The following SLC6A3 variants were observed in gnomAD, a reference collection of about 807,000 sequenced individuals.
SLC6A3 encodes the protein sodium-dependent dopamine transporter.
SLC6A3 carries 19 observed loss-of-function variants against 70.4 expected under a neutral mutation model. That is an observed-to-expected ratio of 0.27 (90% CI 0.19 to 0.40). The LOEUF (loss-of-function observed/expected upper bound fraction) is 0.40, where lower values mean the gene tolerates loss of function less well. Among genes scored for constraint, SLC6A3 ranks in the 10% least tolerant of loss-of-function variants. The pLI, the probability that SLC6A3 is intolerant of heterozygous loss-of-function variation, is 1.00. For synonymous variants in SLC6A3, 368 were observed against 356.6 expected, an observed-to-expected ratio of 1.03 and a Z score of -0.36; for missense variants, 613 against 838.5, an observed-to-expected ratio of 0.73 and a Z score of 3.32.
chr5:1,427,590 C>T (rs1394710372), intron 4 of SLC6A3, among the ~76,000 whole-genome samples: 1 of 152,130 alleles, frequency 6.6e-6, no homozygotes, highest in Non-Finnish European at 1.5e-5. Flanking sequence ...AAAGCACAAC[C>T]AACTCGATGG....
rs189540522 is a variant in SLC6A3, at chr5:1,414,642, G to C, written c.1156+49C>G. On this transcript the variant is annotated intron_variant, in intron 8 of 14. Coordinates refer to ENST00000270349, the MANE Select transcript of SLC6A3 (RefSeq NM_001044.5). ...AGGAAAAAGGCTTTGCTGAGAGCTC[G>C]GCGCTGGTGCTACACGGAGCAGGCC... 1.6e-5 allele frequency: 25 copies of C among 1,605,220 alleles called. No individual in the cohort carries two copies. The Admixed American group carries it at 2.7e-4, about 17-fold the overall frequency.
rs2911492 is a variant in SLC6A3, at chr5:1,441,321, G to A, written c.418+38C>T. On this transcript the variant is annotated intron_variant, in intron 3 of 14. Transcript: ENST00000270349. The stretch of plus-strand genomic sequence containing the variant: ...AGCTCCAGCGTCACCACCATGATCC[G>A]CGCTGCGCCAGGGTGAAGGGAGGCA... 7.0e-3 allele frequency: 11,304 copies of A among 1,613,336 alleles called. 451 individuals are homozygous for A. The African/African-American group carries it at 0.1, about 15-fold the overall frequency.
In SLC6A3 at chr5:1,432,573, T is replaced by G; in HGVS notation, c.544A>C (p.Asn182His). ...GAGCAGTTGGGGCTGTTCCAGGAGT[T>G]GTTGCAGTGGATCCAGGGGAGCTCC... ...TTELPWIHCN[N>H]SWNSPNCSDA... Residue 182 changes from asparagine (N) to histidine (H), a missense_variant, in exon 4 of 15, where the codon AAC becomes CAC. This residue lies in a region of SLC6A3 where 153 missense variants were observed against 249.4 expected (regional missense o/e 0.61). Transcript: ENST00000270349. 1 of 1,614,140 alleles carries G rather than the reference T, an allele frequency of 6.2e-7. No individual in the cohort carries two copies. The highest frequency in any genetic ancestry group is 8.5e-7 in the Non-Finnish European group (1 of 1,180,008).
intron 4 of SLC6A3, among the ~76,000 whole-genome samples, chr5:1,423,405 CAGGGATGAGGCCGAGCAAACTCT>C (rs1324354788): frequency 6.6e-6 from 1 of 152,248 alleles, no homozygotes; most frequent in Admixed American, 6.5e-5. Flanking sequence ...GGTCCCTCTC[CAGGGATGAGGCCGAGCAAACTCT>C]AGCAATAATG....
rs536616 is a variant in SLC6A3 at position 1,435,961 on chromosome 5, C to T, written c.419-3263G>A. On this transcript the variant is annotated intron_variant, in intron 3 of 14. Coordinates refer to ENST00000270349, the MANE Select transcript of SLC6A3 (RefSeq NM_001044.5). ...CTCCTGGATGCTTCCCTGGGCACCT[C>T]GGTGAGGAAATGGCTCCCTTGAACA... is the stretch of plus-strand genomic sequence containing the variant. 5.3e-5 allele frequency among the ~76,000 whole-genome samples: 4 copies of T among 75,062 alleles called. No homozygotes were observed. The East Asian group carries it at 3.0e-3, about 57-fold the overall frequency. The allele number at this position is 75,062 out of a possible 152,430, so 49.2% of individuals were successfully genotyped here.
At position 1,421,705 on chromosome 5, in the gene SLC6A3, T is replaced by C. The variant is rs1756440510; in HGVS notation, c.792+171A>G. The stretch of plus-strand genomic sequence containing the variant: ...CACTCCCAACCTGATTATGGCCATA[T>C]GAGTCTCCCAAACTCAACCATGGCC... On this transcript the variant is annotated intron_variant, in intron 5 of 14. Coordinates refer to ENST00000270349, the MANE Select transcript of SLC6A3 (RefSeq NM_001044.5). The surrounding 1 kb of genome is among the most constrained non-coding windows in gnomAD (Gnocchi z 7.2). 6.6e-6 allele frequency among the ~76,000 whole-genome samples: 1 copy of C among 151,904 alleles called. No homozygotes were observed. The highest frequency in any genetic ancestry group is 2.1e-4 in the South Asian group (1 of 4,820).
intron 6 of SLC6A3, among the ~76,000 whole-genome samples, chr5:1,418,027 G>T (rs902024544): frequency 6.6e-6 from 1 of 152,216 alleles, no homozygotes; most frequent in African/African-American, 2.4e-5. Context: ...GCCAGGCCCC[G>T]CAGTCAGGAC....
At position 1,404,977 on chromosome 5, in the gene SLC6A3, G is replaced by GT. The variant is rs1223257595; in HGVS notation, c.1599+1210dup. Among the ~76,000 whole-genome samples the GT allele has an allele frequency of 3.3e-5, 5 of 152,218 alleles. No homozygotes were observed. Among genetic ancestry groups the GT allele is most frequent in the African/African-American group, 1.2e-4 (5 of 41,468 alleles). On this transcript the variant is annotated intron_variant, in intron 12 of 14. Coordinates refer to ENST00000270349, the MANE Select transcript of SLC6A3 (RefSeq NM_001044.5). The surrounding 1 kb of genome is among the most constrained non-coding windows in gnomAD (Gnocchi z 5.2). ...CAACGTCCTCATGCAAAACAGCTCA[G>GT]TTTCAACTAATGGCGGGGGAGAGCG...
Position 1,404,903 on chromosome 5 carries a change from C to T in SLC6A3, c.1599+1285G>A, listed in dbSNP as rs540953806. Among the ~76,000 whole-genome samples the T allele has an allele frequency of 6.6e-6, 1 of 152,210 alleles. No individual in the cohort carries two copies. Among genetic ancestry groups the T allele is most frequent in the East Asian group, 1.9e-4 (1 of 5,196 alleles). ...AGTAGAACATTTTATCTCCTAAGAT[C>T]GAGGTCAGCCCTCTGGGTGTTAAGA... On this transcript the variant is annotated intron_variant, in intron 12 of 14. Coordinates refer to ENST00000270349, the MANE Select transcript of SLC6A3 (RefSeq NM_001044.5). The surrounding 1 kb of genome is among the most constrained non-coding windows in gnomAD (Gnocchi z 5.2).
intron 3 of SLC6A3, among the ~76,000 whole-genome samples, chr5:1,434,646 C>T (rs947408100): frequency 6.6e-6 from 1 of 152,192 alleles, no homozygotes; most frequent in African/African-American, 2.4e-5. Context: ...CATTTCTTCT[C>T]AGTTTACTGA....
intron 6 of SLC6A3, among the ~76,000 whole-genome samples, chr5:1,420,035 C>G (rs1390146712): frequency 1.3e-5 from 2 of 152,232 alleles, no homozygotes; most frequent in Non-Finnish European, 2.9e-5. Flanking sequence ...GCCTCATACC[C>G]CAGCTGAGAT....
rs28382221 is a variant in SLC6A3, at chr5:1,442,642, C to G, written c.286+270G>C. On this transcript the variant is annotated intron_variant, in intron 2 of 14. Transcript: ENST00000270349. The surrounding 1 kb of genome is among the most constrained non-coding windows in gnomAD (Gnocchi z 5.0). ...GAAACAGGAGGCAGAGCCAAGCTGC[C>G]CCGTCTGCCGCCCCCCACCCCCCAG... 4.6e-5 allele frequency among the ~76,000 whole-genome samples: 7 copies of G among 151,930 alleles called. No individual in the cohort carries two copies. The highest frequency in any genetic ancestry group is 1.0e-4 in the Non-Finnish European group (7 of 67,974).
chr5:1,416,425 G>A (rs1055561911), intron 6 of SLC6A3: 10 of 605,638 alleles, frequency 1.7e-5, no homozygotes, highest in Non-Finnish European at 2.9e-5. Flanking sequence ...GGCTGTCTGT[G>A]TTCATTGATC....
At position 1,413,591 on chromosome 5, in the gene SLC6A3, G is replaced by C. The variant is rs943152081; in HGVS notation, c.1156+1100C>G. 1.2e-4 allele frequency among the ~76,000 whole-genome samples: 19 copies of C among 152,262 alleles called. No individual in the cohort carries two copies. The highest frequency in any genetic ancestry group is 4.3e-4 in the African/African-American group (18 of 41,548). On this transcript the variant is annotated intron_variant, in intron 8 of 14. Coordinates refer to ENST00000270349, the MANE Select transcript of SLC6A3 (RefSeq NM_001044.5). The surrounding 1 kb of genome is among the most constrained non-coding windows in gnomAD (Gnocchi z 7.1). Reference sequence around the variant, plus strand: ...CACAATCATTCCTCACAAATGTAGTGCCCCCACCCCACCCCCGGAGAAGAC... The same window carrying C: ...CACAATCATTCCTCACAAATGTAGTCCCCCCACCCCACCCCCGGAGAAGAC...
In SLC6A3 at chr5:1,421,002, G is replaced by A. The variant is rs962405920; in HGVS notation, c.793-299C>T. On this transcript the variant is annotated intron_variant, in intron 5 of 14. Coordinates refer to ENST00000270349, the MANE Select transcript of SLC6A3 (RefSeq NM_001044.5). This position sits in a 1 kb window ranked among gnomAD's most constrained non-coding sequence, Gnocchi z 7.2. ...TGGGAGTGGCTGATGGGGGTTTTCT[G>A]ATGCGTGGGACGTGAGTGGATTCAC... Among the ~76,000 whole-genome samples, 1 of 152,224 alleles carries A rather than the reference G, an allele frequency of 6.6e-6. No homozygotes were observed. Among genetic ancestry groups the A allele is most frequent in the Non-Finnish European group, 1.5e-5 (1 of 68,042 alleles).
intron 4 of SLC6A3, among the ~76,000 whole-genome samples, chr5:1,427,282 T>C (rs1756593649): frequency 6.6e-6 from 1 of 152,230 alleles, no homozygotes; most frequent in Non-Finnish European, 1.5e-5. Context: ...AAAACAGAAG[T>C]CTACTGTTGT....
intron 1 of SLC6A3, among the ~76,000 whole-genome samples, chr5:1,444,058 A>G (rs547678745): frequency 2.6e-5 from 4 of 152,324 alleles, no homozygotes; most frequent in Admixed American, 6.5e-5. Context: ...CAGCCACTGT[A>G]AAGAGAGTTT....
intron 4 of SLC6A3, among the ~76,000 whole-genome samples, chr5:1,430,246 C>T (rs1330287113): frequency 3.3e-5 from 5 of 152,114 alleles, no homozygotes; most frequent in African/African-American, 7.2e-5. Flanking sequence ...ATCGTGGCAC[C>T]GTCCTCCTCA....
chr5:1,445,073 G>A (rs1454448352), intron 1 of SLC6A3, among the ~76,000 whole-genome samples: 1 of 152,166 alleles, frequency 6.6e-6, no homozygotes, highest in African/African-American at 2.4e-5. Flanking sequence ...CCCCTAAGCC[G>A]GTGACTGCAC....
Sources: gnomAD v4.1 joint callset for allele counts (sites outside exome capture counted in the v4.1 genomes callset) on GRCh38, gnomAD v4.1.1 for gene constraint, gnomAD v4.1.1 regional missense constraint, Gnocchi (gnomAD v3.1) non-coding constraint, MANE v1.5 for transcripts, NCBI Gene and HGNC (gene_info 2026-07-23, HGNC 2026-07-21) for gene names.